HEPH: variants seen among roughly 807,000 people sequenced by gnomAD.
The protein encoded by HEPH is hephaestin.
In HEPH, 69 loss-of-function variants were observed where a neutral mutation model predicts 80.8. The observed-to-expected ratio is 0.85, with a 90% CI of 0.70 to 1.04. The LOEUF is 1.04. HEPH is among the 50% of genes least tolerant of loss of function. The probability of loss-of-function intolerance (pLI) is 0.00; values close to 1 mark genes in which losing one functional copy is unlikely to be tolerated. For synonymous variants in HEPH, 431 were observed against 322.8 expected, an observed-to-expected ratio of 1.34 and a Z score of -3.60; for missense variants, 1,115 against 891.3, an observed-to-expected ratio of 1.25 and a Z score of -3.20.
At chrX:66,170,296 C>T (rs1194901264) in intron 1 of HEPH, 6 of 259,863 alleles carry the variant, frequency 2.3e-5, no homozygotes, top group African/African-American at 1.6e-4. Flanking sequence ...ATTGAAAAAA[C>T]TGGATCCAGA....
intron 20 of HEPH, among the ~76,000 whole-genome samples, chrX:66,264,808 A>T (rs1000613835): frequency 4.7e-5 from 5 of 105,280 alleles, no homozygotes; most frequent in African/African-American, 1.7e-4. Flanking sequence ...TATATATATT[A>T]TATATATATA....
chrX:66,260,324 G>C, intron 19 of HEPH, 62 bp downstream of exon 19: 2 of 969,586 alleles, frequency 2.1e-6, no homozygotes, highest in Non-Finnish European at 1.4e-6. Flanking sequence ...ATAGGAAGCA[G>C]GTAATACCAA....
chrX:66,211,808 A>G (rs1348133170), intron 15 of HEPH, among the ~76,000 whole-genome samples: 1 of 111,960 alleles, frequency 8.9e-6, no homozygotes, highest in Non-Finnish European at 1.9e-5. Flanking sequence ...ATATAAGTGC[A>G]GGTATTCCAT....
intron 15 of HEPH, among the ~76,000 whole-genome samples, chrX:66,240,271 G>C (rs2090518970): frequency 9.0e-6 from 1 of 111,190 alleles, no homozygotes; most frequent in Non-Finnish European, 1.9e-5. Flanking sequence ...TGACCTTAAA[G>C]ATATGTCGAT....
intron 4 of HEPH, among the ~76,000 whole-genome samples, chrX:66,178,570 G>A (rs1259770589): frequency 7.1e-5 from 8 of 112,022 alleles, no homozygotes; most frequent in Non-Finnish European, 1.3e-4. Context: ...AACAGTGTAA[G>A]AGTGTTCCTA....
rs113576568 is a variant in HEPH at position 66,266,128 on chromosome X, CT to C, written c.3245-302del. On this transcript the variant is annotated intron_variant, in intron 20 of 20. Transcript: ENST00000343002. ...GCCATACAGAACAAGTCAAATTCAT[CT>C]TTTTTTTTTATATCACAGTCCTTTA... Among the ~76,000 whole-genome samples, 429 of 106,851 alleles carry C rather than the reference CT, an allele frequency of 4.0e-3. 4 individuals carry two copies. Among genetic ancestry groups the C allele is most frequent in the African/African-American group, 0.014 (408 of 29,411 alleles). The allele number at this position is 106,851 out of a possible 115,157, so 92.8% of individuals were successfully genotyped here.
chrX:66,162,962 G>A, upstream of HEPH: 1 of 885,518 alleles, frequency 1.1e-6, no homozygotes, highest in South Asian at 2.6e-5. Flanking sequence ...CCTTTTTAGA[G>A]AGGCATAGTA....
At chrX:66,176,503 TTTA>T (rs956059351) in intron 4 of HEPH, among the ~76,000 whole-genome samples, 9 of 111,877 alleles carry the variant, frequency 8.0e-5, no homozygotes, top group African/African-American at 2.3e-4. Context: ...TTTTTTTCTT[TTTA>T]TTATTATCAT....
intron 15 of HEPH, among the ~76,000 whole-genome samples, chrX:66,213,625 G>A (rs1478961756): frequency 1.8e-5 from 2 of 110,654 alleles, no homozygotes; most frequent in African/African-American, 6.6e-5. Context: ...TGAAATTCTT[G>A]TATGCAAAGT....
At chrX:66,190,572 T>C (rs1025888668) in intron 6 of HEPH, among the ~76,000 whole-genome samples, 2 of 112,023 alleles carry the variant, frequency 1.8e-5, no homozygotes, top group African/African-American at 6.5e-5. Flanking sequence ...GACAGGTGTC[T>C]TTCCATTTCT....
At chrX:66,164,170 G>C (rs1482346797), upstream of HEPH, 9 of 746,993 alleles carry the variant, frequency 1.2e-5, no homozygotes, top group Non-Finnish European at 1.3e-5. Flanking sequence ...ATCCTAACCA[G>C]GATTTGTAAA....
intron 15 of HEPH, among the ~76,000 whole-genome samples, chrX:66,243,099 A>G (rs1033144764): frequency 8.9e-6 from 1 of 111,905 alleles, no homozygotes; most frequent in Non-Finnish European, 1.9e-5. Context: ...TAGCATGAAC[A>G]GTGTATTGAA....
chrX:66,193,367 G>A lies in HEPH; in HGVS notation c.1233-135G>A, dbSNP rs2087913954. The A allele has an allele frequency of 1.1e-5, 4 of 360,161 alleles. No homozygotes were observed. In the East Asian group the frequency reaches 1.4e-4, roughly 12 times the overall value. The allele number at this position is 360,161 out of a possible 1,213,427, so 29.7% of individuals were successfully genotyped here. A position where few individuals can be genotyped will look rare whatever the true frequency, so the allele number is the denominator to read the frequency against. ...TGCCACCAAAGGAGATATCTTCACTGGTGGGAGTTAACTTAGATGAGCTCT... is the reference window on the plus strand; with the variant it reads ...TGCCACCAAAGGAGATATCTTCACTAGTGGGAGTTAACTTAGATGAGCTCT... On this transcript the variant is annotated intron_variant, in intron 7 of 20. Coordinates refer to ENST00000343002, the MANE Select transcript of HEPH (RefSeq NM_001367233.3).
intron 18 of HEPH, among the ~76,000 whole-genome samples, chrX:66,259,336 A>G (rs1373899936): frequency 8.9e-6 from 1 of 111,861 alleles, no homozygotes; most frequent in Non-Finnish European, 1.9e-5. Context: ...TCCTTAATCT[A>G]TTATAAGAAG....
intron 15 of HEPH, among the ~76,000 whole-genome samples, chrX:66,248,305 G>T (rs901366947): frequency 4.5e-5 from 5 of 112,042 alleles, no homozygotes; most frequent in South Asian, 3.7e-4. Flanking sequence ...TTGTATAAGT[G>T]GTGTGATAAC....
intron 10 of HEPH, among the ~76,000 whole-genome samples, chrX:66,198,500 T>G (rs1052758291): frequency 6.3e-5 from 7 of 111,732 alleles, no homozygotes; most frequent in Non-Finnish European, 1.3e-4. Flanking sequence ...CTGATATTAC[T>G]TATCTTTTAT....
At chrX:66,209,839 G>A (rs1026795694) in intron 15 of HEPH, among the ~76,000 whole-genome samples, 1 of 111,300 alleles carries the variant, frequency 9.0e-6, no homozygotes, top group Non-Finnish European at 1.9e-5. Context: ...TGGAGTATTG[G>A]ATGATGATGA....
rs745945143 is a variant in HEPH, at chrX:66,216,532, T to A, written c.2563+8286T>A. Among the ~76,000 whole-genome samples the A allele has an allele frequency of 5.4e-5, 6 of 112,018 alleles. No individual in the cohort carries two copies. The South Asian group carries it at 2.3e-3, about 42-fold the overall frequency. On this transcript the variant is annotated intron_variant, in intron 15 of 20. Transcript: ENST00000343002. ...CCTAGGGAAAGGGGAGAGCACCACA[T>A]CCAGGGAGCACCCTGTGGGACAAAA...
intron 15 of HEPH, among the ~76,000 whole-genome samples, chrX:66,232,583 G>T: frequency 9.0e-6 from 1 of 110,874 alleles, no homozygotes; most frequent in Admixed American, 9.6e-5. Context: ...TTAATATGTG[G>T]TGCAATGGGG....
Sources: gnomAD v4.1 joint callset for allele counts (sites outside exome capture counted in the v4.1 genomes callset) on GRCh38, gnomAD v4.1.1 for gene constraint, MANE v1.5 for transcripts, NCBI Gene and HGNC (gene_info 2026-07-23, HGNC 2026-07-21) for gene names.